Variants in NOM1 observed in about 807,000 individuals in gnomAD.
NOM1 encodes the protein nucleolar MIF4G domain-containing protein 1.
A neutral mutation model predicts 73.3 loss-of-function variants in NOM1; 58 were observed. The ratio of observed to expected loss-of-function variants is 0.79; its 90% confidence interval spans 0.64 to 0.99. The LOEUF is 0.99. Among genes scored for constraint, NOM1 ranks in the 50% least tolerant of loss-of-function variants. The pLI, the probability that NOM1 is intolerant of heterozygous loss-of-function variation, is 0.00. For synonymous variants in NOM1, 487 were observed against 446.8 expected (o/e 1.09, Z -1.14); for missense variants, 1,226 against 1,131.9 (o/e 1.08, Z -1.19).
At position 156,950,536 on chromosome 7, in the gene NOM1, G is replaced by C. The variant is rs756584985; in HGVS notation, c.799G>C (p.Val267Leu). The change falls in exon 1 of 11, where the codon GTA becomes CTA. Residue 267 changes from valine (V) to leucine (L), a missense_variant. By Grantham distance (32) the Val-to-Leu change is conservative. Transcript: ENST00000275820. ...DESEEEEEGD[V>L]EKEKKAQEAE... Reference sequence around the variant, plus strand: ...AAGTGAGGAGGAGGAGGAGGGAGACGTAGAAAAGGAAAAGAAGGCGCAGGA... The same window carrying C: ...AAGTGAGGAGGAGGAGGAGGGAGACCTAGAAAAGGAAAAGAAGGCGCAGGA... 1 of 1,613,684 alleles carries C rather than the reference G, an allele frequency of 6.2e-7. No homozygotes were observed. The highest frequency in any genetic ancestry group is 1.3e-5 in the African/African-American group (1 of 74,904).
intron 3 of NOM1, among the ~76,000 whole-genome samples, chr7:156,959,348 C>T (rs577305783): frequency 7.0e-6 from 1 of 143,434 alleles, no homozygotes; most frequent in African/African-American, 2.4e-5. Flanking sequence ...GTGATCCACC[C>T]ACCTCAGCCT....
At chr7:156,952,414 G>GA in intron 1 of NOM1, 60 bp from the exon 2 acceptor site, 1 of 1,564,726 alleles carries the variant, frequency 6.4e-7, no homozygotes, top group Admixed American at 2.0e-5. Context: ...ATATGGCAAA[G>GA]AAAAAACACA....
chr7:156,963,389 C>T, intron 6 of NOM1: 2 of 615,412 alleles, frequency 3.2e-6, no homozygotes, highest in Admixed American at 2.7e-5. Context: ...TTTAAAAGAT[C>T]TAAAAGTTGA....
Position 156,972,846 on chromosome 7 carries a change from A to C in NOM1, c.*3143A>C, listed in dbSNP as rs1004879104. 1.3e-5 allele frequency: 2 copies of C among 152,224 alleles called. No homozygotes were observed. The highest frequency in any genetic ancestry group is 2.9e-5 in the Non-Finnish European group (2 of 68,044). The allele number at this position is 152,224 out of a possible 1,614,324, so 9.4% of individuals were successfully genotyped here. A position where few individuals can be genotyped will look rare whatever the true frequency, so the allele number is the denominator to read the frequency against. On this transcript the variant is annotated 3_prime_UTR_variant, in exon 11 of 11. Coordinates refer to ENST00000275820, the MANE Select transcript of NOM1 (RefSeq NM_138400.2). ...CTCTCAAAAGCAGAAACAAAAACCCAACATATATGGGCTGTTAGATAGTAA... is the reference window on the plus strand; with the variant it reads ...CTCTCAAAAGCAGAAACAAAAACCCCACATATATGGGCTGTTAGATAGTAA...
intron 4 of NOM1, among the ~76,000 whole-genome samples, chr7:156,960,968 CA>C (rs1364486390): frequency 2.6e-5 from 4 of 152,234 alleles, no homozygotes; most frequent in South Asian, 2.1e-4. Context: ...GGTCACCCAT[CA>C]GGGGCACAGG....
Position 156,970,812 on chromosome 7 carries a change from CAG to C in NOM1, c.*1110_*1111del, listed in dbSNP as rs369905665. On this transcript the variant is annotated 3_prime_UTR_variant, in exon 11 of 11. Coordinates refer to ENST00000275820, the MANE Select transcript of NOM1 (RefSeq NM_138400.2). ...GGCCTTATGTACACTGTAATGCAGACAGGTGCTTTTCATCATTCATGTAACAT... is the reference window on the plus strand; with the variant it reads ...GGCCTTATGTACACTGTAATGCAGACGTGCTTTTCATCATTCATGTAACAT... 4.3e-4 allele frequency: 66 copies of C among 152,336 alleles called. No homozygotes were observed. The highest frequency in any genetic ancestry group is 1.5e-3 in the African/African-American group (61 of 41,584). 9.4% of individuals were successfully genotyped at this position (152,336 alleles called of 1,614,324 possible). A position where few individuals can be genotyped will look rare whatever the true frequency, so the allele number is the denominator to read the frequency against.
chr7:156,969,480 A>G (rs1805087734), intron 10 of NOM1, 49 bp from the exon 11 acceptor site: 1 of 1,519,174 alleles, frequency 6.6e-7, no homozygotes, highest in South Asian at 1.2e-5. Context: ...ATTGAGATCT[A>G]GGAGAGGCCA....
Position 156,972,820 on chromosome 7 carries a change from ACT to A in NOM1, c.*3121_*3122del, listed in dbSNP as rs1805171181. Reference sequence around the variant, plus strand: ...ACTCCAGCCTGGGAACAAGAGTGAAACTCTCAAAAGCAGAAACAAAAACCCAA... The same window carrying A: ...ACTCCAGCCTGGGAACAAGAGTGAAACTCAAAAGCAGAAACAAAAACCCAA... On this transcript the variant is annotated 3_prime_UTR_variant, in exon 11 of 11. Coordinates refer to ENST00000275820, the MANE Select transcript of NOM1 (RefSeq NM_138400.2). 2 of 152,228 alleles carry A rather than the reference ACT, an allele frequency of 1.3e-5. No homozygotes were observed. Among genetic ancestry groups the A allele is most frequent in the Non-Finnish European group, 2.9e-5 (2 of 68,050 alleles). 9.4% of individuals were successfully genotyped at this position (152,228 alleles called of 1,614,324 possible). A position where few individuals can be genotyped will look rare whatever the true frequency, so the allele number is the denominator to read the frequency against.
chr7:156,953,418 G>A (rs114312809), intron 2 of NOM1, among the ~76,000 whole-genome samples: 2,015 of 152,256 alleles, frequency 0.013, 48 homozygotes, highest in African/African-American at 0.046. Context: ...ATGAGTCACC[G>A]CACCGGGGCA....
At chr7:156,961,883 C>T (rs117597733) in intron 4 of NOM1, among the ~76,000 whole-genome samples, 4,811 of 152,058 alleles carry the variant, frequency 0.032, 133 homozygotes, top group South Asian at 0.081. Flanking sequence ...AAGGGTGAGG[C>T]GTGTGGCGAG....
rs781407931 is a variant in NOM1 at position 156,971,000 on chromosome 7, T to C, written c.*1297T>C. 5.9e-5 allele frequency: 9 copies of C among 152,224 alleles called. No individual in the cohort carries two copies. Among genetic ancestry groups the C allele is most frequent in the Non-Finnish European group, 8.8e-5 (6 of 68,048 alleles). The allele number at this position is 152,224 out of a possible 1,614,324, so 9.4% of individuals were successfully genotyped here. On this transcript the variant is annotated 3_prime_UTR_variant, in exon 11 of 11. Coordinates refer to ENST00000275820, the MANE Select transcript of NOM1 (RefSeq NM_138400.2). ...GTAAACATGAAGAAAATATAGTTAC[T>C]GCCTGCAAAGAATTAACATCCGTCT...
Position 156,949,976 on chromosome 7 carries a change from A to G in NOM1, c.239A>G (p.Lys80Arg). ...GTGAGCTTTCGCCCGGGAGGGAGAA[A>G]AAGCCGTAAGGAACTGAGGAAGGAG... ...APVSFRPGGRKSRKELRKEKR... is the reference protein window; with the variant it reads ...APVSFRPGGRRSRKELRKEKR... The change falls in exon 1 of 11, where the codon AAA becomes AGA. Residue 80 changes from lysine to arginine, a missense_variant. Transcript: ENST00000275820. 1.3e-6 allele frequency: 2 copies of G among 1,540,616 alleles called. No individual in the cohort carries two copies. The highest frequency in any genetic ancestry group is 2.4e-5 in the South Asian group (2 of 84,060).
At chr7:156,952,737 A>C in intron 2 of NOM1, 139 bp downstream of exon 2, 1 of 812,296 alleles carries the variant, frequency 1.2e-6, no homozygotes, top group Non-Finnish European at 1.9e-6. Flanking sequence ...TGATGCACCG[A>C]GACCCATGAG....
intron 9 of NOM1, among the ~76,000 whole-genome samples, chr7:156,968,504 C>T (rs1805059064): frequency 6.6e-6 from 1 of 152,112 alleles, no homozygotes; most frequent in Non-Finnish European, 1.5e-5. Context: ...AGCTCGCTGA[C>T]ATTCAGCTAA....
In NOM1 at chr7:156,970,671, T is replaced by C. The variant is rs554349413; in HGVS notation, c.*968T>C. 7 of 152,354 alleles carry C rather than the reference T, an allele frequency of 4.6e-5. No individual in the cohort carries two copies. The highest frequency in any genetic ancestry group is 1.7e-4 in the African/African-American group (7 of 41,598). The allele number at this position is 152,354 out of a possible 1,614,324, so 9.4% of individuals were successfully genotyped here. A position where few individuals can be genotyped will look rare whatever the true frequency, so the allele number is the denominator to read the frequency against. Reference sequence around the variant, plus strand: ...CACCCATCTCGGCCTCCCAAAGTGCTGGGATTACAGGCTTGAGCCACCACG... The same window carrying C: ...CACCCATCTCGGCCTCCCAAAGTGCCGGGATTACAGGCTTGAGCCACCACG... On this transcript the variant is annotated 3_prime_UTR_variant, in exon 11 of 11. Transcript: ENST00000275820.
chr7:156,967,383 TAGTG>T (rs755600912), intron 9 of NOM1, among the ~76,000 whole-genome samples: 7 of 152,204 alleles, frequency 4.6e-5, no homozygotes, highest in Non-Finnish European at 1.0e-4. Flanking sequence ...TGGTCACTGT[TAGTG>T]AGGAGAAGGG....
Position 156,971,057 on chromosome 7 carries a change from AGTAT to A in NOM1, c.*1356_*1359del, listed in dbSNP as rs1805129519. 6.6e-6 allele frequency: 1 copy of A among 152,224 alleles called. No homozygotes were observed. The highest frequency in any genetic ancestry group is 2.4e-5 in the African/African-American group (1 of 41,466). 9.4% of individuals were successfully genotyped at this position (152,224 alleles called of 1,614,324 possible). A position where few individuals can be genotyped will look rare whatever the true frequency, so the allele number is the denominator to read the frequency against. ...AGAAACAAACACACCCCACTCACTA[AGTAT>A]GGAAAACTGATTCTGGGAGGAAGCA... On this transcript the variant is annotated 3_prime_UTR_variant, in exon 11 of 11. Coordinates refer to ENST00000275820, the MANE Select transcript of NOM1 (RefSeq NM_138400.2).
At chr7:156,954,773 T>A (rs1044911845) in intron 3 of NOM1, among the ~76,000 whole-genome samples, 1 of 152,116 alleles carries the variant, frequency 6.6e-6, no homozygotes, top group African/African-American at 2.4e-5. Flanking sequence ...TCCCAATGTG[T>A]TGGGATTACA....
At chr7:156,968,485 CCCT>C (rs1243458633) in intron 9 of NOM1, among the ~76,000 whole-genome samples, 3 of 152,044 alleles carry the variant, frequency 2.0e-5, no homozygotes, top group Non-Finnish European at 2.9e-5. Context: ...GCGTTTAGTC[CCCT>C]CCTCTAGCTC....
Sources: allele counts gnomAD v4.1 joint callset (sites outside exome capture counted in the v4.1 genomes callset), GRCh38; gene constraint gnomAD v4.1.1; transcripts MANE v1.5; gene names NCBI Gene and HGNC (gene_info 2026-07-23, HGNC 2026-07-21).